Variants in TNNI3K observed in about 807,000 individuals in gnomAD.
TNNI3K encodes TNNI3 interacting kinase, also known as serine/threonine-protein kinase TNNI3K.
In TNNI3K, 140 loss-of-function variants were observed where a neutral mutation model predicts 114.5. That is an observed-to-expected ratio of 1.22 (90% confidence interval 1.07 to 1.41). The LOEUF is 1.41. TNNI3K is among the 40% of genes most tolerant of loss of function. The probability of loss-of-function intolerance (pLI) is 0.00; values close to 1 mark genes in which losing one functional copy is unlikely to be tolerated. For missense variants in TNNI3K, 1,125 were observed against 1,007.6 expected (o/e 1.12, Z -1.58); for synonymous variants, 347 against 347.5 (o/e 1.00, Z 0.02).
chr1:74,460,318 G>A (rs1004583229), intron 20 of TNNI3K, among the ~76,000 whole-genome samples: 6 of 151,882 alleles, frequency 4.0e-5, no homozygotes, highest in East Asian at 1.9e-4. Flanking sequence ...CTGCCGCCTC[G>A]GCCTCCCAAA....
intron 5 of TNNI3K, among the ~76,000 whole-genome samples, chr1:74,323,999 A>C (rs1005751254): frequency 2.0e-5 from 3 of 152,236 alleles, no homozygotes. Flanking sequence ...ATCTTAAGGA[A>C]GAAGTAGACA....
At chr1:74,300,289 A>T (rs1658241690) in intron 5 of TNNI3K, among the ~76,000 whole-genome samples, 1 of 152,214 alleles carries the variant, frequency 6.6e-6, no homozygotes, top group African/African-American at 2.4e-5. Flanking sequence ...CTTTAAACAG[A>T]CACCTACATA....
chr1:74,347,335 A>C (rs374734693), intron 9 of TNNI3K, among the ~76,000 whole-genome samples: 1 of 151,536 alleles, frequency 6.6e-6, no homozygotes, highest in African/African-American at 2.4e-5. Flanking sequence ...TGAACTCATC[A>C]TTTTTTATGG....
chr1:74,297,111 T>G (rs1658033596), intron 5 of TNNI3K, among the ~76,000 whole-genome samples: 1 of 152,152 alleles, frequency 6.6e-6, no homozygotes, highest in Admixed American at 6.5e-5. Context: ...TTTAGAAATT[T>G]TTTACACTAA....
Position 74,344,123 on chromosome 1 carries a change from A to G in TNNI3K, c.932+944A>G, listed in dbSNP as rs1318640656. ...ATTCTCTTTATTTCTTACCAAACTA[A>G]AATTAAGCTTGTGCTTCTGCATCAG... On this transcript the variant is annotated intron_variant, in intron 9 of 24. Transcript: ENST00000326637. Among the ~76,000 whole-genome samples, 4 of 152,326 alleles carry G rather than the reference A, an allele frequency of 2.6e-5. No homozygotes were observed. The East Asian group carries it at 7.7e-4, about 29-fold the overall frequency.
intron 5 of TNNI3K, among the ~76,000 whole-genome samples, chr1:74,313,876 T>G (rs900201104): frequency 6.6e-6 from 1 of 151,950 alleles, no homozygotes; most frequent in Non-Finnish European, 1.5e-5. Flanking sequence ...TTAATGTTAT[T>G]GATGAGAAAA....
chr1:74,323,602 A>C (rs1203905584), intron 5 of TNNI3K, among the ~76,000 whole-genome samples: 2 of 152,136 alleles, frequency 1.3e-5, no homozygotes, highest in Non-Finnish European at 2.9e-5. Context: ...TTGCCAAAGA[A>C]GGTAGATCCA....
At chr1:74,445,964 A>C (rs1285432510) in intron 20 of TNNI3K, among the ~76,000 whole-genome samples, 1 of 152,124 alleles carries the variant, frequency 6.6e-6, no homozygotes, top group Admixed American at 6.5e-5. Context: ...GTTGGTTCCA[A>C]GTCTTTGCTA....
intron 2 of TNNI3K, among the ~76,000 whole-genome samples, chr1:74,243,025 C>T (rs762659707): frequency 6.6e-6 from 1 of 152,058 alleles, no homozygotes; most frequent in African/African-American, 2.4e-5. Context: ...AATACAAAAA[C>T]AGTAAAAATA....
chr1:74,367,873 C>T (rs778218260), intron 12 of TNNI3K, 35 bp from the exon 13 acceptor site: 1 of 1,538,526 alleles, frequency 6.5e-7, no homozygotes, highest in East Asian at 2.4e-5. Flanking sequence ...AAAATGATCG[C>T]TACTTTCAAC....
At chr1:74,242,936 T>C (rs941114594) in intron 2 of TNNI3K, among the ~76,000 whole-genome samples, 7 of 152,060 alleles carry the variant, frequency 4.6e-5, no homozygotes, top group Non-Finnish European at 1.0e-4. Context: ...TCTCTCCCCC[T>C]TACCCTTCAT....
chr1:74,293,314 C>T (rs968909421), intron 5 of TNNI3K, among the ~76,000 whole-genome samples: 1 of 151,604 alleles, frequency 6.6e-6, no homozygotes, highest in African/African-American at 2.4e-5. Context: ...ACCTACTGTT[C>T]TATTTGTTTG....
intron 5 of TNNI3K, among the ~76,000 whole-genome samples, chr1:74,292,463 C>A (rs1430089714): frequency 6.6e-6 from 1 of 151,244 alleles, no homozygotes; most frequent in Non-Finnish European, 1.5e-5. Context: ...CTTTTTGGAC[C>A]CATAAATTAT....
At chr1:74,337,317 G>C (rs1429409414) in intron 7 of TNNI3K, among the ~76,000 whole-genome samples, 1 of 151,210 alleles carries the variant, frequency 6.6e-6, no homozygotes, top group Non-Finnish European at 1.5e-5. Flanking sequence ...TCACTCTGAT[G>C]GTAGTTTCTT....
chr1:74,353,840 T>G, intron 10 of TNNI3K, 140 bp from the exon 11 acceptor site: 1 of 1,242,114 alleles, frequency 8.1e-7, no homozygotes, highest in African/African-American at 1.5e-5. Flanking sequence ...AATAATAAAA[T>G]TAGTTCTTTA....
intron 21 of TNNI3K, among the ~76,000 whole-genome samples, chr1:74,486,502 T>G (rs937735103): frequency 9.5e-6 from 1 of 105,682 alleles, no homozygotes; most frequent in Non-Finnish European, 1.8e-5. Context: ...GTTTTTTGTT[T>G]TTTGCTTTTT....
intron 17 of TNNI3K, among the ~76,000 whole-genome samples, chr1:74,397,807 A>G (rs891841870): frequency 6.6e-6 from 1 of 152,216 alleles, no homozygotes; most frequent in African/African-American, 2.4e-5. Flanking sequence ...TGATGGAAAC[A>G]AACAATCTTT....
rs748144409 is a variant in TNNI3K at position 74,370,264 on chromosome 1, G to A, written c.1668-24G>A. 3 of 1,564,294 alleles carry A rather than the reference G, an allele frequency of 1.9e-6. No homozygotes were observed. In the African/African-American group the frequency reaches 4.1e-5, roughly 21 times the overall value. On this transcript the variant is annotated intron_variant, in intron 16 of 24. Coordinates refer to ENST00000326637, the MANE Select transcript of TNNI3K (RefSeq NM_015978.3). ...TATTCGTTTTGACCATTTCATCTCT[G>A]TTAAATCTATTTTTAAATTCTAGGA...
At chr1:74,387,669 C>G (rs1353657589) in intron 17 of TNNI3K, among the ~76,000 whole-genome samples, 1 of 152,100 alleles carries the variant, frequency 6.6e-6, no homozygotes, top group African/African-American at 2.4e-5. Flanking sequence ...AACCTGTAAC[C>G]AAAATATAGC....
Sources: gnomAD v4.1 joint callset for allele counts (sites outside exome capture counted in the v4.1 genomes callset) on GRCh38, gnomAD v4.1.1 for gene constraint, MANE v1.5 for transcripts, NCBI Gene and HGNC (gene_info 2026-07-23, HGNC 2026-07-21) for gene names.